The following RAI2 variants were observed in gnomAD, a reference collection of about 807,000 sequenced individuals.
RAI2 encodes the protein retinoic acid induced 2.
RAI2 carries 5 observed loss-of-function variants against 15.3 expected under a neutral mutation model. The observed-to-expected ratio is 0.33, with a 90% CI of 0.17 to 0.69. The LOEUF is 0.69. Among genes scored for constraint, RAI2 ranks in the 30% least tolerant of loss-of-function variants. The pLI, the probability that RAI2 is intolerant of heterozygous loss-of-function variation, is 0.69. For synonymous variants in RAI2, 191 were observed against 184.0 expected, an observed-to-expected ratio of 1.04 and a Z score of -0.31; for missense variants, 424 against 424.7, an observed-to-expected ratio of 1.00 and a Z score of 0.01.
chrX:17,810,205 CCT>C lies in RAI2; in HGVS notation c.-24-8173_-24-8172del, dbSNP rs199670791. Among the ~76,000 whole-genome samples, 922 of 111,983 alleles carry C rather than the reference CCT, an allele frequency of 8.2e-3. 19 individuals carry two copies. Among genetic ancestry groups the C allele is most frequent in the African/African-American group, 0.027 (836 of 30,778 alleles). ...TAAAGGCACATTACCCCACCTGTTG[CCT>C]CTGTTTCACATTTCAAAGGATGTTG... On this transcript the variant is annotated intron_variant, in intron 1 of 1. Coordinates refer to ENST00000451717, the MANE Select transcript of RAI2 (RefSeq NM_021785.6).
chrX:17,854,652 A>G (rs956809833), intron 1 of RAI2, among the ~76,000 whole-genome samples: 2 of 112,022 alleles, frequency 1.8e-5, no homozygotes, highest in South Asian at 7.5e-4. Context: ...GCCCAAACAC[A>G]CCCAGTCTTG....
At chrX:17,838,533 T>A in intron 1 of RAI2, among the ~76,000 whole-genome samples, 1 of 110,720 alleles carries the variant, frequency 9.0e-6, no homozygotes, top group Non-Finnish European at 1.9e-5. Flanking sequence ...AAGTTGGCAT[T>A]TTTGCCACAG....
At chrX:17,816,305 T>C (rs1169320879) in intron 1 of RAI2, among the ~76,000 whole-genome samples, 1 of 111,106 alleles carries the variant, frequency 9.0e-6, no homozygotes, top group Non-Finnish European at 1.9e-5. Flanking sequence ...GGAATGGTTG[T>C]TTTGATGGGA....
chrX:17,860,323 G>A (rs751357917), intron 1 of RAI2, among the ~76,000 whole-genome samples: 1 of 112,654 alleles, frequency 8.9e-6, no homozygotes, highest in Admixed American at 9.3e-5. Context: ...CCCCAACCCC[G>A]AAAAAGCCAC....
chrX:17,833,057 A>G (rs2067299456), intron 1 of RAI2, among the ~76,000 whole-genome samples: 1 of 111,713 alleles, frequency 9.0e-6, no homozygotes. Context: ...AAACAACCCA[A>G]CCCAAATGTC....
intron 1 of RAI2, among the ~76,000 whole-genome samples, chrX:17,845,550 C>G (rs2067447039): frequency 8.9e-6 from 1 of 112,529 alleles, no homozygotes; most frequent in Admixed American, 9.4e-5. Context: ...CTACTCCAAG[C>G]TCTCCACTTT....
At chrX:17,847,014 C>T (rs1174048149) in intron 1 of RAI2, among the ~76,000 whole-genome samples, 2 of 111,858 alleles carry the variant, frequency 1.8e-5, no homozygotes, top group Admixed American at 1.9e-4. Flanking sequence ...TGCCTGCCAC[C>T]ATGTAAGATG....
At position 17,845,398 on chromosome X, in the gene RAI2, A is replaced by G. The variant is rs143914395; in HGVS notation, c.-25+15700T>C. Among the ~76,000 whole-genome samples the G allele has an allele frequency of 3.1e-3, 351 of 112,663 alleles. 5 individuals carry two copies. Among genetic ancestry groups the G allele is most frequent in the Admixed American group, 0.029 (313 of 10,657 alleles). On this transcript the variant is annotated intron_variant, in intron 1 of 1. Transcript: ENST00000451717. ...TGTTGAGAGTTCAGGTGCCACCACG[A>G]GAATAAACTCTGAGTGCTTTTCCCT...
chrX:17,830,945 A>G (rs868227297), intron 1 of RAI2, among the ~76,000 whole-genome samples: 1 of 112,313 alleles, frequency 8.9e-6, no homozygotes, highest in African/African-American at 3.2e-5. Flanking sequence ...AATTGACCCA[A>G]TGTATCTGTG....
intron 1 of RAI2, among the ~76,000 whole-genome samples, chrX:17,850,747 T>C (rs1004656878): frequency 6.3e-5 from 7 of 111,993 alleles, no homozygotes; most frequent in Middle Eastern, 4.6e-3. Context: ...AAATGAAGGA[T>C]CCAATATGAG....
At chrX:17,857,572 A>G (rs1171312836) in intron 1 of RAI2, among the ~76,000 whole-genome samples, 1 of 111,176 alleles carries the variant, frequency 9.0e-6, no homozygotes, top group African/African-American at 3.3e-5. Context: ...CCCATCTCCC[A>G]TGGATTTTGT....
In RAI2 at chrX:17,801,440, A is replaced by G; in HGVS notation, c.571T>C (p.Leu191=). 8.6e-7 allele frequency: 1 copy of G among 1,159,894 alleles called. No individual in the cohort carries two copies. Among genetic ancestry groups the G allele is most frequent in the Non-Finnish European group, 1.1e-6 (1 of 870,331 alleles). Residue 191 remains leucine (L), a synonymous_variant, in exon 2 of 2, where the codon TTG becomes CTG. Coordinates refer to ENST00000451717, the MANE Select transcript of RAI2 (RefSeq NM_021785.6). ...TLPFEAVLQN[L]FPSQGTLGPP... ...CCGAGAGTGCCCTGGGAGGGAAACA[A>G]ATTCTGGAGCACAGCTTCAAATGGC...
At chrX:17,834,793 C>G (rs2067316711) in intron 1 of RAI2, among the ~76,000 whole-genome samples, 1 of 110,517 alleles carries the variant, frequency 9.0e-6, no homozygotes, top group Non-Finnish European at 1.9e-5. Context: ...AGGTAGCTTA[C>G]AGGAGGGGAA....
chrX:17,833,178 A>G (rs2067300671), intron 1 of RAI2, among the ~76,000 whole-genome samples: 1 of 111,964 alleles, frequency 8.9e-6, no homozygotes, highest in South Asian at 3.7e-4. Flanking sequence ...GAATATTTAC[A>G]CTGCGTAAAA....
chrX:17,810,087 T>G (rs113863271), intron 1 of RAI2, among the ~76,000 whole-genome samples: 6,827 of 111,274 alleles, frequency 0.061, 533 homozygotes, highest in African/African-American at 0.21. Flanking sequence ...CCTCTTGTTT[T>G]GAAGAACAGG....
At chrX:17,812,063 G>A (rs1163885485) in intron 1 of RAI2, among the ~76,000 whole-genome samples, 1 of 111,875 alleles carries the variant, frequency 8.9e-6, no homozygotes. Context: ...ATCATCACTG[G>A]TACCATCATC....
chrX:17,852,146 C>T (rs772261025), intron 1 of RAI2, among the ~76,000 whole-genome samples: 2 of 111,775 alleles, frequency 1.8e-5, no homozygotes, highest in Admixed American at 1.9e-4. Flanking sequence ...CCAAGTGTCA[C>T]GTGCTACAAA....
chrX:17,806,292 T>A (rs947615672), intron 1 of RAI2, among the ~76,000 whole-genome samples: 3 of 111,780 alleles, frequency 2.7e-5, no homozygotes, highest in Non-Finnish European at 5.6e-5. Flanking sequence ...AGGAGCCGGT[T>A]GATGCTCAAG....
At chrX:17,855,985 T>C (rs1969586915) in intron 1 of RAI2, among the ~76,000 whole-genome samples, 2 of 112,056 alleles carry the variant, frequency 1.8e-5, no homozygotes, top group Admixed American at 1.9e-4. Context: ...ATGTGGCTAG[T>C]GGCTAGTGTG....
Sources: gnomAD v4.1 joint callset for allele counts (sites outside exome capture counted in the v4.1 genomes callset) on GRCh38, gnomAD v4.1.1 for gene constraint, MANE v1.5 for transcripts, NCBI Gene and HGNC (gene_info 2026-07-23, HGNC 2026-07-21) for gene names.